The following RANBP2 variants were observed in gnomAD, a reference collection of about 807,000 sequenced individuals.
RANBP2 encodes RAN binding protein 2, also known as E3 SUMO-protein ligase RanBP2.
RANBP2 carries 57 observed loss-of-function variants against 303.6 expected under a neutral mutation model. The observed-to-expected ratio is 0.19, with a 90% confidence interval of 0.15 to 0.23. The LOEUF (loss-of-function observed/expected upper bound fraction) is 0.23. Ranked by LOEUF, RANBP2 falls within the 10% of genes least tolerant of loss-of-function variation. RANBP2 has a pLI of 1.00. For synonymous variants in RANBP2, 1,167 were observed against 1,301.5 expected (o/e 0.90, Z 2.23); for missense variants, 3,138 against 3,780.8 (o/e 0.83, Z 4.46).
In RANBP2 at chr2:108,742,798, A is replaced by T. The variant is rs1420869725; in HGVS notation, c.975+2117A>T. Reference sequence around the variant, plus strand: ...TAACTGATAGTTCTTATTTTTATTTATTTTTTTTGAGACGGAGTCTCACTC... The same window carrying T: ...TAACTGATAGTTCTTATTTTTATTTTTTTTTTTTGAGACGGAGTCTCACTC... On this transcript the variant is annotated intron_variant, in intron 7 of 28. Coordinates refer to ENST00000283195, the MANE Select transcript of RANBP2 (RefSeq NM_006267.5). 3.3e-5 allele frequency among the ~76,000 whole-genome samples: 5 copies of T among 151,704 alleles called. No homozygotes were observed. In the East Asian group the frequency reaches 9.7e-4, roughly 30 times the overall value.
chr2:109,535,201 C>G, the RANBP2 span, among the ~76,000 whole-genome samples: 1 of 152,208 alleles, frequency 6.6e-6, no homozygotes, highest in Non-Finnish European at 1.5e-5. Flanking sequence ...AGTGTGTGGA[C>G]CTCAGTATGC....
At chr2:109,628,658 C>T in the RANBP2 span, among the ~76,000 whole-genome samples, 2 of 152,054 alleles carry the variant, frequency 1.3e-5, no homozygotes. Context: ...TTCTGCTAAC[C>T]TCGTCCTCTT....
chr2:109,098,854 T>A, the RANBP2 span, among the ~76,000 whole-genome samples: 2 of 152,172 alleles, frequency 1.3e-5, no homozygotes, highest in Non-Finnish European at 2.9e-5. Flanking sequence ...AATACCCGGT[T>A]ATTTGGCTGC....
chr2:109,316,439 A>T, the RANBP2 span, among the ~76,000 whole-genome samples: 42 of 152,288 alleles, frequency 2.8e-4, no homozygotes, highest in Non-Finnish European at 4.3e-4. Context: ...CACAGGTGTG[A>T]TGTCAGTGTG....
At chr2:109,590,685 T>C in the RANBP2 span, among the ~76,000 whole-genome samples, 10 of 152,160 alleles carry the variant, frequency 6.6e-5, no homozygotes, top group Admixed American at 6.5e-4. Flanking sequence ...CGTCTGGGCC[T>C]CCCAAAGTGC....
the RANBP2 span, among the ~76,000 whole-genome samples, chr2:108,891,812 T>A: frequency 6.6e-6 from 1 of 152,122 alleles, no homozygotes; most frequent in Non-Finnish European, 1.5e-5. Flanking sequence ...GTTGCTGTGA[T>A]GGACTGGGTA....
the RANBP2 span, among the ~76,000 whole-genome samples, chr2:109,325,007 C>T: frequency 6.6e-6 from 1 of 151,894 alleles, no homozygotes; most frequent in South Asian, 2.1e-4. Flanking sequence ...TGGGAGAGGC[C>T]TTTGGCTTGC....
the RANBP2 span, among the ~76,000 whole-genome samples, chr2:109,078,118 AGCG>A: frequency 7.7e-4 from 35 of 45,576 alleles, 3 homozygotes; most frequent in East Asian, 0.017. Context: ...ATATATATAT[AGCG>A]TGTATATATA....
the RANBP2 span, among the ~76,000 whole-genome samples, chr2:109,010,474 G>A: frequency 2.6e-5 from 4 of 152,106 alleles, no homozygotes; most frequent in Admixed American, 6.5e-5. Context: ...AAAATACGAC[G>A]GACAGAGTGG....
the RANBP2 span, among the ~76,000 whole-genome samples, chr2:109,152,881 T>C: frequency 6.6e-6 from 1 of 152,330 alleles, no homozygotes; most frequent in South Asian, 2.1e-4. Context: ...TCTTAGTACT[T>C]GCTCCTTGTT....
the RANBP2 span, among the ~76,000 whole-genome samples, chr2:109,073,068 T>G: frequency 3.3e-5 from 5 of 152,102 alleles, no homozygotes; most frequent in South Asian, 1.0e-3. Flanking sequence ...AAGAACAAGA[T>G]AAATCTTCAG....
chr2:109,281,461 G>A, the RANBP2 span, among the ~76,000 whole-genome samples: 2 of 152,190 alleles, frequency 1.3e-5, no homozygotes, highest in Admixed American at 1.3e-4. Context: ...CGCACAGCAC[G>A]TGTACTGGAG....
intron 22 of RANBP2, 132 bp downstream of exon 22, chr2:108,772,713 C>G: frequency 8.2e-7 from 1 of 1,214,810 alleles, no homozygotes; most frequent in East Asian, 2.5e-5. Flanking sequence ...TTAAAACTAA[C>G]AGGTGAAAAT....
chr2:108,737,016 AG>A (rs1695641824), intron 6 of RANBP2, among the ~76,000 whole-genome samples: 1 of 139,220 alleles, frequency 7.2e-6, no homozygotes, highest in Non-Finnish European at 1.6e-5. Flanking sequence ...TTGTAGAAAA[AG>A]TTTACTGATT....
the RANBP2 span, among the ~76,000 whole-genome samples, chr2:109,340,371 C>T: frequency 6.6e-6 from 1 of 152,208 alleles, no homozygotes; most frequent in Non-Finnish European, 1.5e-5. Flanking sequence ...GGGGCAAGGT[C>T]TGGATGAGAG....
At chr2:108,737,290 A>G (rs1439262698) in intron 6 of RANBP2, among the ~76,000 whole-genome samples, 3 of 150,360 alleles carry the variant, frequency 2.0e-5, no homozygotes, top group African/African-American at 7.3e-5. Flanking sequence ...TGTTAAGGAC[A>G]TCGAAGATCT....
chr2:109,729,829 G>A, the RANBP2 span, among the ~76,000 whole-genome samples: 31 of 152,254 alleles, frequency 2.0e-4, 1 homozygote, highest in East Asian at 5.6e-3. Flanking sequence ...AATTTATAAA[G>A]GAAAGAGGTT....
At chr2:109,344,022 G>T in the RANBP2 span, among the ~76,000 whole-genome samples, 2,731 of 152,246 alleles carry the variant, frequency 0.018, 84 homozygotes, top group African/African-American at 0.062. Context: ...AAGATAATAG[G>T]CGTGAGCCAC....
chr2:109,568,340 T>C, the RANBP2 span, among the ~76,000 whole-genome samples: 4 of 151,406 alleles, frequency 2.6e-5, no homozygotes, highest in Non-Finnish European at 4.4e-5. Flanking sequence ...ACACCCCTTA[T>C]ACACTCATTC....
Sources: allele counts gnomAD v4.1 joint callset (sites outside exome capture counted in the v4.1 genomes callset), GRCh38; gene constraint gnomAD v4.1.1; transcripts MANE v1.5; gene names NCBI Gene and HGNC (gene_info 2026-07-23, HGNC 2026-07-21).